CHD2: variants seen among roughly 807,000 people sequenced by gnomAD.
CHD2 encodes chromodomain helicase DNA binding protein 2.
In CHD2, 28 loss-of-function variants were observed where a neutral mutation model predicts 243.9. That is an observed-to-expected ratio of 0.11 (90% CI 0.09 to 0.16). CHD2 has a LOEUF of 0.16. Among genes scored for constraint, CHD2 ranks in the 10% least tolerant of loss-of-function variants. The pLI, the probability that CHD2 is intolerant of heterozygous loss-of-function variation, is 1.00. For synonymous variants in CHD2, 775 were observed against 779.0 expected, an observed-to-expected ratio of 0.99 and a Z score of 0.09; for missense variants, 1,386 against 2,209.8, an observed-to-expected ratio of 0.63 and a Z score of 7.47.
At chr15:93,001,631 C>T (rs576175414) in intron 32 of CHD2, among the ~76,000 whole-genome samples, 68 of 152,120 alleles carry the variant, frequency 4.5e-4, no homozygotes, top group African/African-American at 1.5e-3. Flanking sequence ...ATTCTCCTGC[C>T]GCAGCCTCCC....
chr15:92,997,069 C>G lies in CHD2; in HGVS notation c.3708C>G (p.Ile1236Met). ...EEEFEMLHKS[I>M]PVDPEEKKKY... ...AGTTTGAGATGCTGCATAAATCTAT[C>G]CCTGTGGACCCTGAAGAAAAAAAAA... The change falls in exon 29 of 39, where the codon ATC (isoleucine) becomes ATG (methionine). Residue 1236 changes from isoleucine to methionine, a missense_variant. By Grantham distance (10) the Ile-to-Met change is conservative. Coordinates refer to ENST00000394196, the MANE Select transcript of CHD2 (RefSeq NM_001271.4). The surrounding 1 kb of genome is among the most constrained non-coding windows in gnomAD (Gnocchi z 4.1). 1 of 1,609,242 alleles carries G rather than the reference C, an allele frequency of 6.2e-7. No homozygotes were observed. Among genetic ancestry groups the G allele is most frequent in the East Asian group, 2.2e-5 (1 of 44,842 alleles).
chr15:92,995,633 T>C (rs1297852313), intron 28 of CHD2, among the ~76,000 whole-genome samples: 1 of 152,154 alleles, frequency 6.6e-6, no homozygotes, highest in Admixed American at 6.6e-5. Flanking sequence ...TGTAGATAGA[T>C]GTCAATTCAC....
chr15:92,944,561 T>C, intron 10 of CHD2, 46 bp downstream of exon 10: 3 of 989,934 alleles, frequency 3.0e-6, no homozygotes, highest in South Asian at 1.8e-5. Context: ...ACTTGAGGAA[T>C]AGTGGCTTTT....
chr15:92,904,500 A>G, intron 2 of CHD2: 1 of 991,108 alleles, frequency 1.0e-6, no homozygotes, highest in Non-Finnish European at 1.2e-6. Context: ...GGGGAAAAGG[A>G]AGGGAACTCT....
At position 92,935,386 on chromosome 15, in the gene CHD2, A is replaced by C. The variant is rs146841696; in HGVS notation, c.444-2132A>C. The stretch of plus-strand genomic sequence containing the variant: ...TTCTAAGTCCTCCTGGTTGTTCATA[A>C]GTCTGTAAATCTGTAATCTAACTGG... On this transcript the variant is annotated intron_variant, in intron 5 of 38. Coordinates refer to ENST00000394196, the MANE Select transcript of CHD2 (RefSeq NM_001271.4). Among the ~76,000 whole-genome samples the C allele has an allele frequency of 4.0e-3, 615 of 152,258 alleles. 6 individuals carry two copies. The highest frequency in any genetic ancestry group is 0.014 in the African/African-American group (585 of 41,550).
intron 7 of CHD2, 109 bp from the exon 8 acceptor site, chr15:92,941,713 T>C (rs2053385765): frequency 6.2e-6 from 7 of 1,129,352 alleles, no homozygotes; most frequent in Admixed American, 2.9e-5. Flanking sequence ...TAAAACAACA[T>C]GCTTTTGGAA....
At chr15:92,993,303 C>T (rs938798532) in intron 28 of CHD2, 3 of 274,454 alleles carry the variant, frequency 1.1e-5, no homozygotes, top group African/African-American at 6.5e-5. Flanking sequence ...TTGGTGGACA[C>T]CTCTGTATTT....
chr15:92,980,032 A>G (rs141258074), intron 22 of CHD2, among the ~76,000 whole-genome samples: 2 of 95,578 alleles, frequency 2.1e-5, no homozygotes, highest in African/African-American at 6.5e-5. Flanking sequence ...TGTTTCAGCT[A>G]TGTTTTTTGT....
chr15:92,939,013 C>G (rs888285896), intron 6 of CHD2, among the ~76,000 whole-genome samples: 2 of 151,596 alleles, frequency 1.3e-5, no homozygotes, highest in Admixed American at 1.3e-4. Flanking sequence ...TTTCTTTATC[C>G]TGGAAATCCT....
intron 35 of CHD2, among the ~76,000 whole-genome samples, chr15:93,010,439 A>G (rs1349185262): frequency 1.4e-5 from 2 of 147,402 alleles, no homozygotes; most frequent in Non-Finnish European, 3.0e-5. Flanking sequence ...TTTAAATGAG[A>G]CAGAGTCTGA....
chr15:92,975,323 A>G (rs1046693097), intron 20 of CHD2, among the ~76,000 whole-genome samples: 5 of 152,188 alleles, frequency 3.3e-5, no homozygotes, highest in Admixed American at 2.0e-4. Flanking sequence ...TATATTTGCC[A>G]TGTCTCAAAT....
rs753058189 is a variant in CHD2 at position 92,979,199 on chromosome 15, A to G, written c.2792A>G (p.Lys931Arg). ...VEEEIIERAKKKMVLDHLVIQ... is the reference protein window; with the variant it reads ...VEEEIIERAKRKMVLDHLVIQ... ...GAGGAGATCATAGAACGGGCCAAAA[A>G]GAAGATGGTATTAGATCATCTGGTG... is the stretch of plus-strand genomic sequence containing the variant. Residue 931 changes from lysine (K) to arginine (R), a missense_variant, in exon 22 of 39, where the codon AAG (lysine) becomes AGG (arginine). Lys to Arg is a conservative substitution (Grantham distance 26). Transcript: ENST00000394196. 35 of 1,614,034 alleles carry G rather than the reference A, an allele frequency of 2.2e-5. No homozygotes were observed. The Admixed American group carries it at 3.3e-4, about 15-fold the overall frequency.
chr15:92,969,472 G>T (rs1269395100), intron 17 of CHD2, among the ~76,000 whole-genome samples: 4 of 152,154 alleles, frequency 2.6e-5, no homozygotes, highest in Non-Finnish European at 5.9e-5. Flanking sequence ...CAGTACCCTC[G>T]AGTCCGAGGC....
At chr15:92,949,629 A>G (rs190521178) in intron 13 of CHD2, among the ~76,000 whole-genome samples, 32 of 152,292 alleles carry the variant, frequency 2.1e-4, no homozygotes, top group African/African-American at 6.7e-4. Context: ...GGGGGTGAAA[A>G]AAAGATGAGA....
In CHD2 at chr15:92,901,195, A is replaced by G; in HGVS notation, c.-43A>G. ...ATACCTGGGCACAGGACTTCAAAGCAAACACAGATTCCCCCTCCCCCTTAA... is the reference window on the plus strand; with the variant it reads ...ATACCTGGGCACAGGACTTCAAAGCGAACACAGATTCCCCCTCCCCCTTAA... On this transcript the variant is annotated 5_prime_UTR_variant, in exon 2 of 39. Transcript: ENST00000394196. The G allele has an allele frequency of 8.0e-7, 1 of 1,242,746 alleles. No individual in the cohort carries two copies. 77.0% of individuals were successfully genotyped at this position (1,242,746 alleles called of 1,614,324 possible).
At chr15:93,003,169 C>T (rs1016623671) in intron 33 of CHD2, among the ~76,000 whole-genome samples, 1 of 151,692 alleles carries the variant, frequency 6.6e-6, no homozygotes, top group East Asian at 1.9e-4. Flanking sequence ...CCTACGGGCC[C>T]AGTTGCATGG....
intron 17 of CHD2, among the ~76,000 whole-genome samples, chr15:92,968,704 C>A (rs577407007): frequency 6.6e-6 from 1 of 152,156 alleles, no homozygotes; most frequent in African/African-American, 2.4e-5. Context: ...TTGCCATTTT[C>A]AAAGGAAAAG....
intron 38 of CHD2, chr15:93,020,642 G>C: frequency 2.7e-6 from 1 of 366,112 alleles, no homozygotes; most frequent in Non-Finnish European, 5.0e-6. Context: ...TAATTGAAGA[G>C]TCAAAGTCTT....
At chr15:93,017,662 T>A (rs1181320462) in intron 37 of CHD2, among the ~76,000 whole-genome samples, 1 of 152,124 alleles carries the variant, frequency 6.6e-6, no homozygotes, top group Non-Finnish European at 1.5e-5. Context: ...GCATTCTTTT[T>A]AATCTTCCCT....
Sources: allele counts gnomAD v4.1 joint callset (sites outside exome capture counted in the v4.1 genomes callset), GRCh38; gene constraint gnomAD v4.1.1; non-coding constraint Gnocchi (gnomAD v3.1); transcripts MANE v1.5; gene names NCBI Gene and HGNC (gene_info 2026-07-23, HGNC 2026-07-21).